The following UVRAG variants were observed in gnomAD, a reference collection of about 807,000 sequenced individuals.
The protein encoded by UVRAG is UV radiation resistance associated.
A neutral mutation model predicts 78.0 loss-of-function variants in UVRAG; 19 were observed. The observed-to-expected ratio is 0.24, with a 90% CI of 0.17 to 0.36. The LOEUF is 0.36. Among genes scored for constraint, UVRAG ranks in the 10% least tolerant of loss-of-function variants. The probability of loss-of-function intolerance (pLI) is 1.00; values close to 1 mark genes in which losing one functional copy is unlikely to be tolerated. For missense variants in UVRAG, 740 were observed against 853.8 expected (o/e 0.87, Z 1.66); for synonymous variants, 323 against 324.6 (o/e 1.00, Z 0.05).
chr11:75,925,176 C>T (rs553783089), intron 6 of UVRAG, among the ~76,000 whole-genome samples: 20 of 152,270 alleles, frequency 1.3e-4, no homozygotes, highest in Middle Eastern at 6.8e-3. Context: ...TCTACATTCC[C>T]GCTGGTGCCA....
chr11:75,972,447 TCTTC>T (rs1789903385), intron 7 of UVRAG, among the ~76,000 whole-genome samples: 1 of 152,180 alleles, frequency 6.6e-6, no homozygotes, highest in South Asian at 2.1e-4. Flanking sequence ...TCACTCTGTT[TCTTC>T]CTTCTTTCCT....
intron 6 of UVRAG, among the ~76,000 whole-genome samples, chr11:75,939,243 A>G (rs1302783783): frequency 6.6e-6 from 1 of 151,944 alleles, no homozygotes; most frequent in Non-Finnish European, 1.5e-5. Context: ...TTTTCTCTAC[A>G]CTGTAGTGTA....
intron 5 of UVRAG, among the ~76,000 whole-genome samples, chr11:75,910,096 A>G (rs747851472): frequency 6.6e-6 from 1 of 152,172 alleles, no homozygotes; most frequent in Non-Finnish European, 1.5e-5. Context: ...TAGATGTTTC[A>G]TAGTATGTCT....
chr11:75,981,643 CCTT>C (rs1429557595), intron 7 of UVRAG, among the ~76,000 whole-genome samples: 1 of 151,698 alleles, frequency 6.6e-6, no homozygotes, highest in Non-Finnish European at 1.5e-5. Context: ...CTTTTTCAGT[CCTT>C]CTCTGTTTCT....
At position 76,008,814 on chromosome 11, in the gene UVRAG, A is replaced by G; in HGVS notation, c.1007A>G (p.His336Arg). 3 of 1,466,746 alleles carry G rather than the reference A, an allele frequency of 2.0e-6. No homozygotes were observed. Among genetic ancestry groups the G allele is most frequent in the Non-Finnish European group, 2.8e-6 (3 of 1,087,596 alleles). The allele number at this position is 1,466,746 out of a possible 1,614,324, so 90.9% of individuals were successfully genotyped here. A position where few individuals can be genotyped will look rare whatever the true frequency, so the allele number is the denominator to read the frequency against. Residue 336 changes from histidine to arginine, a missense_variant, in exon 11 of 15, where the codon CAT becomes CGT. Physicochemically the swap from His to Arg is conservative, Grantham distance 29 (BLOSUM62 0). Coordinates refer to ENST00000356136, the MANE Select transcript of UVRAG (RefSeq NM_003369.4). ...CTTTAATTAAATTCACAGAATGAACATAAGGATTACTTTGTATGCGGTGTC... is the reference window on the plus strand; with the variant it reads ...CTTTAATTAAATTCACAGAATGAACGTAAGGATTACTTTGTATGCGGTGTC... The part of the protein sequence containing the change: ...SYIYPIDLNE[H>R]KDYFVCGVKL...
In UVRAG at chr11:75,852,695, C is replaced by T. The variant is rs990322241; in HGVS notation, c.235+695C>T. 2.6e-5 allele frequency among the ~76,000 whole-genome samples: 4 copies of T among 152,026 alleles called. No homozygotes were observed. In the East Asian group the frequency reaches 5.8e-4, roughly 22 times the overall value. ...GCTTCGTGACTTTTGATAAAGATCACGGTTTTTGGAACTTCACTCTCCCCA... is the reference window on the plus strand; with the variant it reads ...GCTTCGTGACTTTTGATAAAGATCATGGTTTTTGGAACTTCACTCTCCCCA... On this transcript the variant is annotated intron_variant, in intron 2 of 14. Transcript: ENST00000356136.
At chr11:75,884,212 G>GTC (rs138821865) in intron 4 of UVRAG, among the ~76,000 whole-genome samples, 4,485 of 144,132 alleles carry the variant, frequency 0.031, 216 homozygotes, top group East Asian at 0.24. Context: ...TTTGAGATCA[G>GTC]TCTCTCTCTC....
At chr11:75,944,889 G>A (rs1328208900) in intron 6 of UVRAG, among the ~76,000 whole-genome samples, 1 of 152,082 alleles carries the variant, frequency 6.6e-6, no homozygotes, top group Non-Finnish European at 1.5e-5. Flanking sequence ...ATGGGCAACA[G>A]TCTGAGTAAA....
chr11:75,843,521 A>G (rs1247619898), intron 1 of UVRAG, among the ~76,000 whole-genome samples: 3 of 152,124 alleles, frequency 2.0e-5, no homozygotes, highest in Non-Finnish European at 4.4e-5. Context: ...CCAGGCTTGG[A>G]CTGTGTCAGC....
chr11:76,059,041 T>A (rs1033502000), intron 12 of UVRAG, among the ~76,000 whole-genome samples: 9 of 151,982 alleles, frequency 5.9e-5, no homozygotes, highest in African/African-American at 2.2e-4. Context: ...GGCAGAGGAG[T>A]TGAAATTTAA....
intron 12 of UVRAG, among the ~76,000 whole-genome samples, chr11:76,021,688 G>A (rs933140160): frequency 2.0e-5 from 3 of 151,982 alleles, no homozygotes; most frequent in Admixed American, 6.6e-5. Flanking sequence ...TGTATGTTAT[G>A]TTTTTTTAAA....
chr11:75,971,045 G>C (rs1949112694), intron 7 of UVRAG, among the ~76,000 whole-genome samples: 1 of 152,060 alleles, frequency 6.6e-6, no homozygotes, highest in African/African-American at 2.4e-5. Context: ...TCTGGCAACT[G>C]ATCTTTTTAC....
chr11:76,044,948 A>T (rs1950720449), intron 12 of UVRAG, among the ~76,000 whole-genome samples: 1 of 152,156 alleles, frequency 6.6e-6, no homozygotes, highest in Non-Finnish European at 1.5e-5. Flanking sequence ...AGAGCTCGCA[A>T]GGGGGAAGGT....
At chr11:75,926,424 T>A (rs1216394774) in intron 6 of UVRAG, among the ~76,000 whole-genome samples, 1 of 152,196 alleles carries the variant, frequency 6.6e-6, no homozygotes, top group Non-Finnish European at 1.5e-5. Context: ...ATTTTTCTGT[T>A]CCCGAGATTC....
intron 8 of UVRAG, among the ~76,000 whole-genome samples, chr11:75,986,959 T>C (rs943981838): frequency 1.3e-5 from 2 of 152,230 alleles, no homozygotes; most frequent in African/African-American, 4.8e-5. Context: ...TCCTGAATAA[T>C]ACATTCAGTT....
intron 13 of UVRAG, among the ~76,000 whole-genome samples, chr11:76,072,870 C>T: frequency 6.6e-6 from 1 of 152,112 alleles, no homozygotes. Flanking sequence ...TGTAATCAGT[C>T]CCTGGTTCCT....
In UVRAG at chr11:75,967,878, C is replaced by T. The variant is rs1387765243; in HGVS notation, c.699+6329C>T. Among the ~76,000 whole-genome samples, 7 of 152,242 alleles carry T rather than the reference C, an allele frequency of 4.6e-5. No homozygotes were observed. The East Asian group carries it at 5.8e-4, about 13-fold the overall frequency. ...AAGAGGCATACAGCTTAGTAATATGCGAATATGTTTTATCTTACAAGACTC... is the reference window on the plus strand; with the variant it reads ...AAGAGGCATACAGCTTAGTAATATGTGAATATGTTTTATCTTACAAGACTC... On this transcript the variant is annotated intron_variant, in intron 7 of 14. Transcript: ENST00000356136.
chr11:76,078,838 A>T (rs924099910), intron 13 of UVRAG, among the ~76,000 whole-genome samples: 4 of 150,768 alleles, frequency 2.7e-5, no homozygotes, highest in African/African-American at 4.9e-5. Flanking sequence ...CTGAGGCAGG[A>T]GAATGATGTG....
Position 75,879,874 on chromosome 11 carries a change from A to G in UVRAG, c.271-5A>G. The G allele has an allele frequency of 1.2e-6, 2 of 1,613,394 alleles. No individual in the cohort carries two copies. Among genetic ancestry groups the G allele is most frequent in the Non-Finnish European group, 1.7e-6 (2 of 1,179,436 alleles). ...CCTAAAGCGTGTTTTCATTTTCATG[A>G]GCAGAATCCCACGTGGCGAAGTCTC... On this transcript the variant is annotated splice_polypyrimidine_tract_variant and splice_region_variant and intron_variant, in intron 3 of 14. Coordinates refer to ENST00000356136, the MANE Select transcript of UVRAG (RefSeq NM_003369.4).
Sources: allele counts gnomAD v4.1 joint callset (sites outside exome capture counted in the v4.1 genomes callset), GRCh38; gene constraint gnomAD v4.1.1; transcripts MANE v1.5; gene names NCBI Gene and HGNC (gene_info 2026-07-23, HGNC 2026-07-21).